The following DR1 variants were observed in gnomAD, a reference collection of about 807,000 sequenced individuals.
DR1 encodes protein Dr1.
In DR1, 7 loss-of-function variants were observed where a neutral mutation model predicts 19.9. The observed-to-expected ratio is 0.35, with a 90% CI of 0.20 to 0.66. The LOEUF is 0.66. DR1 is among the 30% of genes least tolerant of loss of function. The pLI is 0.66. For missense variants in DR1, 98 were observed against 203.7 expected (o/e 0.48, Z 3.16); for synonymous variants, 76 against 72.5 (o/e 1.05, Z -0.24).
chr1:93,361,044 G>GGGA lies in DR1; in HGVS notation c.*407_*408insAGG, dbSNP rs386367691. 8 of 55,866 alleles carry GGGA rather than the reference G, an allele frequency of 1.4e-4. No homozygotes were observed. The highest frequency in any genetic ancestry group is 9.8e-3 in the Middle Eastern group (1 of 102). The allele number at this position is 55,866 out of a possible 1,614,324, so 3.5% of individuals were successfully genotyped here. Reference sequence around the variant, plus strand: ...AAACTTGTGAATTTTAAATTATTAAGGGGGGGGTGCTGTGTGAATCAGTAG... The same window carrying GGGA: ...AAACTTGTGAATTTTAAATTATTAAGGGAGGGGGGGTGCTGTGTGAATCAGTAG... On this transcript the variant is annotated 3_prime_UTR_variant, in exon 3 of 3. Coordinates refer to ENST00000370272, the MANE Select transcript of DR1 (RefSeq NM_001938.3).
At chr1:93,360,080 GTTTGT>G (rs1454995917) in intron 2 of DR1, among the ~76,000 whole-genome samples, 1 of 152,096 alleles carries the variant, frequency 6.6e-6, no homozygotes, top group Non-Finnish European at 1.5e-5. Flanking sequence ...ATTGAAAAAT[GTTTGT>G]ATCAAAGTTG....
At position 93,364,996 on chromosome 1, in the gene DR1, G is replaced by A. The variant is rs1156636170; in HGVS notation, c.*4357G>A. Reference sequence around the variant, plus strand: ...AGCCTCCTGAGTAGCTGGGACTACAGGTGCCCGCTAGCACGCCCAGCTAAT... The same window carrying A: ...AGCCTCCTGAGTAGCTGGGACTACAAGTGCCCGCTAGCACGCCCAGCTAAT... On this transcript the variant is annotated 3_prime_UTR_variant, in exon 3 of 3. Coordinates refer to ENST00000370272, the MANE Select transcript of DR1 (RefSeq NM_001938.3). 1 of 151,854 alleles carries A rather than the reference G, an allele frequency of 6.6e-6. No homozygotes were observed. Among genetic ancestry groups the A allele is most frequent in the African/African-American group, 2.4e-5 (1 of 41,282 alleles). The allele number at this position is 151,854 out of a possible 1,614,324, so 9.4% of individuals were successfully genotyped here.
At chr1:93,350,720 C>T (rs80112413) in intron 1 of DR1, among the ~76,000 whole-genome samples, 3,787 of 151,836 alleles carry the variant, frequency 0.025, 132 homozygotes, top group African/African-American at 0.081. Context: ...TATTTTTTCC[C>T]CTAATGTACA....
intron 2 of DR1, 106 bp downstream of exon 2, chr1:93,354,177 T>C: frequency 9.1e-7 from 1 of 1,099,358 alleles, no homozygotes; most frequent in South Asian, 1.8e-5. Context: ...TTTTTCTAGG[T>C]AGTTGATTAT....
intron 1 of DR1, among the ~76,000 whole-genome samples, chr1:93,347,400 T>G (rs1666863051): frequency 6.6e-6 from 1 of 152,264 alleles, no homozygotes; most frequent in Admixed American, 6.5e-5. Flanking sequence ...AGGTGTATGT[T>G]TTCTGCTCTA....
chr1:93,351,677 C>A (rs1412881975), intron 1 of DR1, among the ~76,000 whole-genome samples: 1 of 152,124 alleles, frequency 6.6e-6, no homozygotes, highest in Non-Finnish European at 1.5e-5. Flanking sequence ...TTCAAGTAAT[C>A]CCCGTGCCTT....
In DR1 at chr1:93,361,049, G is replaced by GGA. The variant is rs1553198479; in HGVS notation, c.*411_*412insAG. 36 of 163,950 alleles carry GGA rather than the reference G, an allele frequency of 2.2e-4. No homozygotes were observed. The South Asian group carries it at 5.5e-3, about 25-fold the overall frequency. The allele number at this position is 163,950 out of a possible 1,614,324, so 10.2% of individuals were successfully genotyped here. A position where few individuals can be genotyped will look rare whatever the true frequency, so the allele number is the denominator to read the frequency against. ...TGTGAATTTTAAATTATTAAGGGGG[G>GGA]GGTGCTGTGTGAATCAGTAGACATT... On this transcript the variant is annotated 3_prime_UTR_variant, in exon 3 of 3. Coordinates refer to ENST00000370272, the MANE Select transcript of DR1 (RefSeq NM_001938.3).
chr1:93,358,761 C>A (rs1018357351), intron 2 of DR1, among the ~76,000 whole-genome samples: 3 of 152,208 alleles, frequency 2.0e-5, no homozygotes, highest in African/African-American at 7.2e-5. Flanking sequence ...GCCTTTTCAG[C>A]TCCCTAATAA....
intron 2 of DR1, among the ~76,000 whole-genome samples, chr1:93,357,053 G>A (rs1334592583): frequency 6.6e-6 from 1 of 152,074 alleles, no homozygotes; most frequent in Non-Finnish European, 1.5e-5. Flanking sequence ...TCTGTTAGTT[G>A]GTTTTGAACT....
rs1039313668 is a variant in DR1, at chr1:93,364,668, G to C, written c.*4029G>C. On this transcript the variant is annotated 3_prime_UTR_variant, in exon 3 of 3. Coordinates refer to ENST00000370272, the MANE Select transcript of DR1 (RefSeq NM_001938.3). ...AAGTGTCATGGTTAGGATCGGCCAG[G>C]GTGAAGAGAATGATAACATAAGTAG... 2.6e-5 allele frequency: 4 copies of C among 151,958 alleles called. No homozygotes were observed. Among genetic ancestry groups the C allele is most frequent in the African/African-American group, 9.7e-5 (4 of 41,330 alleles). 9.4% of individuals were successfully genotyped at this position (151,958 alleles called of 1,614,324 possible).
At position 93,351,785 on chromosome 1, in the gene DR1, G is replaced by A. The variant is rs567892948; in HGVS notation, c.221-2123G>A. Among the ~76,000 whole-genome samples, 6 of 152,190 alleles carry A rather than the reference G, an allele frequency of 3.9e-5. No individual in the cohort carries two copies. In the South Asian group the frequency reaches 1.2e-3, roughly 32 times the overall value. On this transcript the variant is annotated intron_variant, in intron 1 of 2. Coordinates refer to ENST00000370272, the MANE Select transcript of DR1 (RefSeq NM_001938.3). The stretch of plus-strand genomic sequence containing the variant: ...TATAGTAACTATGGTATTTTGAAGG[G>A]TTGTCTCTCCATTGTGTTGATTTGT...
chr1:93,348,931 A>G (rs1225388452), intron 1 of DR1, among the ~76,000 whole-genome samples: 2 of 152,044 alleles, frequency 1.3e-5, no homozygotes, highest in African/African-American at 4.8e-5. Context: ...CTTAAGGTTT[A>G]TATGTTTTAG....
chr1:93,368,076 G>C lies in DR1; in HGVS notation c.*7437G>C, dbSNP rs1457195257. 5 of 152,098 alleles carry C rather than the reference G, an allele frequency of 3.3e-5. No individual in the cohort carries two copies. The highest frequency in any genetic ancestry group is 7.4e-5 in the Non-Finnish European group (5 of 68,016). 9.4% of individuals were successfully genotyped at this position (152,098 alleles called of 1,614,324 possible). A position where few individuals can be genotyped will look rare whatever the true frequency, so the allele number is the denominator to read the frequency against. On this transcript the variant is annotated 3_prime_UTR_variant, in exon 3 of 3. Transcript: ENST00000370272. Reference sequence around the variant, plus strand: ...TGCTGTATGTGATATGAACAATGAGGATCAACTCTTTTTGTAATAGTTTTT... The same window carrying C: ...TGCTGTATGTGATATGAACAATGAGCATCAACTCTTTTTGTAATAGTTTTT...
chr1:93,349,267 AT>A (rs1342744204), intron 1 of DR1, among the ~76,000 whole-genome samples: 1 of 151,780 alleles, frequency 6.6e-6, no homozygotes, highest in African/African-American at 2.4e-5. Flanking sequence ...ATTTAAAAAA[AT>A]TTTTTTTTCT....
chr1:93,350,604 G>A (rs1248429885), intron 1 of DR1, among the ~76,000 whole-genome samples: 2 of 152,012 alleles, frequency 1.3e-5, no homozygotes, highest in African/African-American at 4.8e-5. Context: ...AATAAGATAA[G>A]CCTATATGAA....
At chr1:93,346,965 T>C in intron 1 of DR1, 100 bp downstream of exon 1, 46 of 1,075,152 alleles carry the variant, frequency 4.3e-5, no homozygotes, top group Non-Finnish European at 6.2e-5. Context: ...TCTTCCCTGG[T>C]AAGTAACTTA....
rs1317703730 is a variant in DR1, at chr1:93,363,076, A to C, written c.*2437A>C. ...AAACTGCATATACCACACACACACA[A>C]AACAGTACACAAATAAAGGTTTTCA... is the stretch of plus-strand genomic sequence containing the variant. On this transcript the variant is annotated 3_prime_UTR_variant, in exon 3 of 3. Transcript: ENST00000370272. 6.6e-6 allele frequency: 1 copy of C among 151,972 alleles called. No homozygotes were observed. Among genetic ancestry groups the C allele is most frequent in the Non-Finnish European group, 1.5e-5 (1 of 67,932 alleles). The allele number at this position is 151,972 out of a possible 1,614,324, so 9.4% of individuals were successfully genotyped here.
Position 93,362,861 on chromosome 1 carries a change from T to TTTTTTTG in DR1, c.*2222_*2223insTTTTTTG, listed in dbSNP as rs1667075060. 1 of 112,198 alleles carries TTTTTTTG rather than the reference T, an allele frequency of 8.9e-6. No homozygotes were observed. Among genetic ancestry groups the TTTTTTTG allele is most frequent in the African/African-American group, 3.4e-5 (1 of 29,794 alleles). 7.0% of individuals were successfully genotyped at this position (112,198 alleles called of 1,614,324 possible). ...TTTTTTTTTTTTTTTTTTTAGCATT[T>TTTTTTTG]AAGAGTCACTATTATGTTTTGCCAG... On this transcript the variant is annotated 3_prime_UTR_variant, in exon 3 of 3. Transcript: ENST00000370272.
chr1:93,346,580 CGGTGGAGTAGT>C lies in DR1; in HGVS notation c.-63_-53del. 7.3e-7 allele frequency: 1 copy of C among 1,369,470 alleles called. No homozygotes were observed. The highest frequency in any genetic ancestry group is 2.3e-5 in the East Asian group (1 of 43,660). 84.8% of individuals were successfully genotyped at this position (1,369,470 alleles called of 1,614,324 possible). ...CCGAGGGCGACTTTTTGAGAAATCT[CGGTGGAGTAGT>C]GGACCAGAGCTGGGGAGTTTTTAAA... On this transcript the variant is annotated 5_prime_UTR_variant, in exon 1 of 3. Transcript: ENST00000370272.
Sources: gnomAD v4.1 joint callset for allele counts (sites outside exome capture counted in the v4.1 genomes callset) on GRCh38, gnomAD v4.1.1 for gene constraint, MANE v1.5 for transcripts, NCBI Gene and HGNC (gene_info 2026-07-23, HGNC 2026-07-21) for gene names.